The following ARHGAP27 variants were observed in gnomAD, a reference collection of about 807,000 sequenced individuals.
ARHGAP27 encodes the protein Rho GTPase activating protein 27.
ARHGAP27 carries 53 observed loss-of-function variants against 102.0 expected under a neutral mutation model. That is an observed-to-expected ratio of 0.52 (90% CI 0.42 to 0.65). The LOEUF is 0.65. ARHGAP27 is among the 30% of genes least tolerant of loss of function. ARHGAP27 has a pLI of 0.00. For synonymous variants in ARHGAP27, 525 were observed against 542.8 expected (o/e 0.97, Z 0.46); for missense variants, 1,117 against 1,256.2 (o/e 0.89, Z 1.68).
chr17:45,405,640 A>G, intron 5 of ARHGAP27, 36 bp downstream of exon 5: 3 of 1,541,242 alleles, frequency 1.9e-6, no homozygotes, highest in Non-Finnish European at 2.6e-6. Flanking sequence ...AGAGGCGCTC[A>G]GAGGTAGAAC....
At position 45,396,786 on chromosome 17, in the gene ARHGAP27, C is replaced by A; in HGVS notation, c.1956G>T (p.Ala652=). 1 of 1,609,510 alleles carries A rather than the reference C, an allele frequency of 6.2e-7. No homozygotes were observed. Among genetic ancestry groups the A allele is most frequent in the Non-Finnish European group, 8.5e-7 (1 of 1,177,980 alleles). ...CCAGGCCCACGGGGCCCAGGGCGGG[C>A]GCGGCTGCCGCGGGGAAAGGCAGGA... ...KEEDARPNAA[A]PALGPVGLES... The change falls in exon 15 of 20, where the codon GCG becomes GCT. Residue 652 remains alanine, a synonymous_variant. Coordinates refer to ENST00000685559, the MANE Select transcript of ARHGAP27 (RefSeq NM_001282290.2).
In ARHGAP27 at chr17:45,395,469, A is replaced by T; in HGVS notation, c.2657T>A (p.Phe886Tyr). 1 of 1,561,122 alleles carries T rather than the reference A, an allele frequency of 6.4e-7. No individual in the cohort carries two copies. Among genetic ancestry groups the T allele is most frequent in the Non-Finnish European group, 8.7e-7 (1 of 1,152,098 alleles). Residue 886 changes from phenylalanine (F) to tyrosine (Y), a missense_variant, in exon 20 of 20, where the codon TTC (phenylalanine) becomes TAC (tyrosine). By Grantham distance (22) the Phe-to-Tyr change is conservative. Around this residue, in one of 3 missense-constraint regions of ARHGAP27, gnomAD observed 493 missense variants for 505.5 expected, o/e 0.98. Transcript: ENST00000685559. Reference protein sequence around the residue: ...ELILQQCADIFPPH With the variant: ...ELILQQCADIYPPH ...ACAGGCCAGCAGTCAGTGCGGCGGG[A>T]AGATGTCCGCGCACTGCTGCAGGAT...
At chr17:45,420,553 C>T (rs1042834342) in intron 4 of ARHGAP27, among the ~76,000 whole-genome samples, 1 of 151,812 alleles carries the variant, frequency 6.6e-6, no homozygotes, top group African/African-American at 2.4e-5. Context: ...AAAATACTAT[C>T]TAGTAAAATA....
At chr17:45,416,893 G>A (rs1426745366) in intron 4 of ARHGAP27, among the ~76,000 whole-genome samples, 1 of 149,526 alleles carries the variant, frequency 6.7e-6, no homozygotes, top group Non-Finnish European at 1.5e-5. Context: ...GGTGGCTCAT[G>A]CCTGTAATCC....
At position 45,427,118 on chromosome 17, in the gene ARHGAP27, C is replaced by T. The variant is rs556563737; in HGVS notation, c.657+2505G>A. Among the ~76,000 whole-genome samples the T allele has an allele frequency of 1.3e-5, 2 of 152,024 alleles. No individual in the cohort carries two copies. Among genetic ancestry groups the T allele is most frequent in the South Asian group, 4.2e-4 (2 of 4,804 alleles). ...CTGATTTCCCTCCCACCTCCCTCGG[C>T]CCCCAGACCCTGCCCATCCATCTCC... On this transcript the variant is annotated intron_variant, in intron 4 of 19. Transcript: ENST00000685559. This position sits in a 1 kb window ranked among gnomAD's most constrained non-coding sequence, Gnocchi z 4.5.
chr17:45,401,520 C>T (rs1362008497), intron 12 of ARHGAP27: 3 of 152,158 alleles, frequency 2.0e-5, no homozygotes, highest in Admixed American at 1.3e-4. Flanking sequence ...CCTTGCAGAA[C>T]TGTTTTTTCT....
chr17:45,399,595 G>GAAAAGAAAAGAAAAGAAAAGAAAAGAA (rs1301028734), intron 12 of ARHGAP27, among the ~76,000 whole-genome samples: 1 of 50,844 alleles, frequency 2.0e-5, no homozygotes, highest in South Asian at 5.9e-4. Context: ...CTGTCTCAAA[G>GAAAAGAAAAGAAAAGAAAAGAAAAGAA]AAAAGAAAAG....
Position 45,396,959 on chromosome 17 carries a change from C to T in ARHGAP27, c.1908G>A (p.Leu636=), listed in dbSNP as rs1258637226. 4 of 1,605,840 alleles carry T rather than the reference C, an allele frequency of 2.5e-6. No individual in the cohort carries two copies. The highest frequency in any genetic ancestry group is 3.4e-6 in the Non-Finnish European group (4 of 1,179,974). The change falls in exon 14 of 20, where the codon TTG becomes TTA. Residue 636 remains leucine, a synonymous_variant. Coordinates refer to ENST00000685559, the MANE Select transcript of ARHGAP27 (RefSeq NM_001282290.2). ...CCTCCTCTTTCTCCTGCCAGCTTCC[C>T]AAGCGCTCGCTCGACCCGAAGTCCA... ...SRVDFGSSER[L]GSWQEKEEDA... is the part of the protein sequence containing the mutation.
intron 4 of ARHGAP27, among the ~76,000 whole-genome samples, chr17:45,419,764 C>A (rs1597849812): frequency 6.6e-6 from 1 of 150,850 alleles, no homozygotes; most frequent in East Asian, 1.9e-4. Context: ...GCTACTAGAA[C>A]TCAATAAGAA....
chr17:45,396,350 G>C (rs2045660719), intron 16 of ARHGAP27, 66 bp from the exon 17 acceptor site: 1 of 1,513,228 alleles, frequency 6.6e-7, no homozygotes, highest in African/African-American at 1.4e-5. Flanking sequence ...ACGGGTCCCT[G>C]CTATGACTCC....
Position 45,396,701 on chromosome 17 carries a change from GT to G in ARHGAP27, c.2040del (p.Leu681CysfsTer91). 6.2e-7 allele frequency: 1 copy of G among 1,613,884 alleles called. No homozygotes were observed. The highest frequency in any genetic ancestry group is 8.5e-7 in the Non-Finnish European group (1 of 1,179,808). On this transcript the variant is annotated frameshift_variant, in exon 15 of 20. Transcript: ENST00000685559. LOFTEE classifies it high-confidence loss of function. ...KLRKFLQRRPTLQSLREKGYI... is the reference protein window; with the variant it reads ...KLRKFLQRRPXLQSLREKGYI... ...TAGCCCTTCTCCCGCAGCGACTGCA[GT>G]GTGGGCCGCCTCTGGAGGAACTTGC...
At chr17:45,421,876 C>T (rs1178090211) in intron 4 of ARHGAP27, among the ~76,000 whole-genome samples, 1 of 152,152 alleles carries the variant, frequency 6.6e-6, no homozygotes, top group Non-Finnish European at 1.5e-5. Flanking sequence ...TTTAAAAATA[C>T]AGTGATAGGC....
intron 4 of ARHGAP27, among the ~76,000 whole-genome samples, chr17:45,411,102 G>A (rs971990246): frequency 1.3e-5 from 2 of 151,998 alleles, no homozygotes; most frequent in Non-Finnish European, 2.9e-5. Context: ...CCTCTCTAAG[G>A]ACCCAGAGAA....
Position 45,418,417 on chromosome 17 carries a change from C to CCGTGAT in ARHGAP27, c.657+11200_657+11205dup, listed in dbSNP as rs1470616303. 2.0e-5 allele frequency among the ~76,000 whole-genome samples: 3 copies of CCGTGAT among 151,674 alleles called. No homozygotes were observed. The East Asian group carries it at 5.9e-4, about 30-fold the overall frequency. On this transcript the variant is annotated intron_variant, in intron 4 of 19. Coordinates refer to ENST00000685559, the MANE Select transcript of ARHGAP27 (RefSeq NM_001282290.2). Reference sequence around the variant, plus strand: ...CCCAGGAGGTTGAGGCTGCAGTGAGCCGTGATCGCACCACTGCACTCCAGC... The same window carrying CCGTGAT: ...CCCAGGAGGTTGAGGCTGCAGTGAGCCGTGATCGTGATCGCACCACTGCACTCCAGC...
intron 4 of ARHGAP27, among the ~76,000 whole-genome samples, chr17:45,415,930 C>T (rs1417285894): frequency 2.0e-5 from 3 of 151,890 alleles, no homozygotes; most frequent in African/African-American, 7.3e-5. Flanking sequence ...AGAAATCTGA[C>T]GATGGCTTAG....
Position 45,395,251 on chromosome 17 carries a change from T to G in ARHGAP27, c.*205A>C. 1.6e-6 allele frequency: 1 copy of G among 619,236 alleles called. No homozygotes were observed. Among genetic ancestry groups the G allele is most frequent in the Non-Finnish European group, 2.8e-6 (1 of 363,494 alleles). 38.4% of individuals were successfully genotyped at this position (619,236 alleles called of 1,614,324 possible). Reference sequence around the variant, plus strand: ...GACGTGACGGGAAGGGAAGGGGGGATGGGGAGTTGGGAAGAAGGAATCACA... The same window carrying G: ...GACGTGACGGGAAGGGAAGGGGGGAGGGGGAGTTGGGAAGAAGGAATCACA... On this transcript the variant is annotated 3_prime_UTR_variant, in exon 20 of 20. Coordinates refer to ENST00000685559, the MANE Select transcript of ARHGAP27 (RefSeq NM_001282290.2).
At chr17:45,429,337 A>AT in intron 4 of ARHGAP27, 1 of 1,069,736 alleles carries the variant, frequency 9.3e-7, no homozygotes, top group South Asian at 2.1e-5. Flanking sequence ...AATAAAGACC[A>AT]TCAGCAGCCT....
chr17:45,414,210 CCTT>C (rs2048211733), intron 4 of ARHGAP27, among the ~76,000 whole-genome samples: 1 of 152,138 alleles, frequency 6.6e-6, no homozygotes, highest in Admixed American at 6.5e-5. Context: ...GGAATGATCA[CCTT>C]CTGCCCTCCC....
At position 45,395,595 on chromosome 17, in the gene ARHGAP27, T is replaced by C; in HGVS notation, c.2531A>G (p.Gln844Arg). ...GGGCCCGAACACAATGGCCACGCTC[T>C]GCACCGACATGCGGTTCTGCTCGCC... ...EHGEQNRMSVQSVAIVFGPTL... is the reference protein window; with the variant it reads ...EHGEQNRMSVRSVAIVFGPTL... Residue 844 changes from glutamine (Q) to arginine (R), a missense_variant, in exon 20 of 20, where the codon CAG becomes CGG. Physicochemically the swap from Gln to Arg is conservative, Grantham distance 43 (BLOSUM62 1). This residue lies in a region of ARHGAP27 where 493 missense variants were observed against 505.5 expected (regional missense o/e 0.98). Transcript: ENST00000685559. The C allele has an allele frequency of 3.7e-6, 6 of 1,607,402 alleles. No homozygotes were observed. The highest frequency in any genetic ancestry group is 5.1e-6 in the Non-Finnish European group (6 of 1,177,274).
Sources: allele counts gnomAD v4.1 joint callset (sites outside exome capture counted in the v4.1 genomes callset), GRCh38; gene constraint gnomAD v4.1.1; regional missense constraint gnomAD v4.1.1; non-coding constraint Gnocchi (gnomAD v3.1); transcripts MANE v1.5; gene names NCBI Gene and HGNC (gene_info 2026-07-23, HGNC 2026-07-21).